HHLA2: variants seen among roughly 807,000 people sequenced by gnomAD.
HHLA2 encodes HERV-H LTR-associating protein 2.
In HHLA2, 48 loss-of-function variants were observed where a neutral mutation model predicts 45.9. The ratio of observed to expected loss-of-function variants is 1.05; its 90% confidence interval spans 0.83 to 1.33. HHLA2 has a LOEUF of 1.33. HHLA2 is among the 40% of genes most tolerant of loss of function. The probability of loss-of-function intolerance (pLI) is 0.00; values close to 1 mark genes in which losing one functional copy is unlikely to be tolerated. For synonymous variants in HHLA2, 161 were observed against 173.9 expected (o/e 0.93, Z 0.59); for missense variants, 462 against 494.3 (o/e 0.93, Z 0.62).
chr3:108,357,642 T>A (rs1489484078), intron 6 of HHLA2, among the ~76,000 whole-genome samples: 1 of 152,180 alleles, frequency 6.6e-6, no homozygotes, highest in African/African-American at 2.4e-5. Flanking sequence ...AGGTCTAAAC[T>A]AACCTTGGTG....
At chr3:108,348,444 A>G (rs1159052359) in intron 3 of HHLA2, among the ~76,000 whole-genome samples, 1 of 152,216 alleles carries the variant, frequency 6.6e-6, no homozygotes, top group Non-Finnish European at 1.5e-5. Context: ...AAAGTGGGAA[A>G]TGAAGACAGC....
At chr3:108,355,738 T>C (rs1243861725) in intron 6 of HHLA2, among the ~76,000 whole-genome samples, 1 of 152,228 alleles carries the variant, frequency 6.6e-6, no homozygotes, top group East Asian at 1.9e-4. Context: ...CCAGCATTGC[T>C]CTTTAAAAGA....
intron 1 of HHLA2, among the ~76,000 whole-genome samples, chr3:108,305,403 G>GA (rs750906636): frequency 1.8e-4 from 27 of 152,314 alleles, no homozygotes; most frequent in Non-Finnish European, 3.2e-4. Flanking sequence ...TTCTGAATGG[G>GA]AATGTAGAAA....
At chr3:108,307,667 G>A (rs1338690267) in intron 1 of HHLA2, among the ~76,000 whole-genome samples, 3 of 150,946 alleles carry the variant, frequency 2.0e-5, no homozygotes, top group Non-Finnish European at 4.4e-5. Context: ...GTTAACTTTT[G>A]CCCAGCTTCC....
intron 4 of HHLA2, among the ~76,000 whole-genome samples, chr3:108,352,128 G>A (rs1325205600): frequency 7.6e-6 from 1 of 132,398 alleles, no homozygotes; most frequent in African/African-American, 2.9e-5. Flanking sequence ...CACTGGAAAG[G>A]CAAGTTTGAT....
chr3:108,364,572 G>A (rs777990469), intron 8 of HHLA2, among the ~76,000 whole-genome samples: 4 of 152,192 alleles, frequency 2.6e-5, no homozygotes, highest in Non-Finnish European at 5.9e-5. Flanking sequence ...TCGCCACACT[G>A]TCTTCCACAA....
At chr3:108,366,658 G>A (rs556248165) in intron 8 of HHLA2, among the ~76,000 whole-genome samples, 1 of 152,144 alleles carries the variant, frequency 6.6e-6, no homozygotes, top group Non-Finnish European at 1.5e-5. Flanking sequence ...TTCAGAACTT[G>A]TTATTGGTTT....
intron 3 of HHLA2, among the ~76,000 whole-genome samples, chr3:108,349,997 A>G (rs11923478): frequency 0.017 from 2,604 of 152,282 alleles, 63 homozygotes; most frequent in African/African-American, 0.058. Flanking sequence ...TTGGAAAGAG[A>G]CAGTAATTAA....
chr3:108,347,771 T>C (rs1267618677), intron 3 of HHLA2, among the ~76,000 whole-genome samples: 1 of 152,116 alleles, frequency 6.6e-6, no homozygotes, highest in Non-Finnish European at 1.5e-5. Context: ...GTTTATCTAA[T>C]TCATTAACAA....
At chr3:108,316,299 G>C (rs975937159) in intron 2 of HHLA2, among the ~76,000 whole-genome samples, 1 of 152,162 alleles carries the variant, frequency 6.6e-6, no homozygotes, top group Non-Finnish European at 1.5e-5. Flanking sequence ...CCAGATACTG[G>C]GTCAGGTGCC....
chr3:108,353,722 C>T, exon 5 of HHLA2: 1 of 1,613,532 alleles, frequency 6.2e-7, no homozygotes, highest in South Asian at 1.1e-5. Flanking sequence ...GAATTTACAC[C>T]TGCTATGTAG....
intron 3 of HHLA2, among the ~76,000 whole-genome samples, chr3:108,344,078 G>A (rs1388806467): frequency 6.6e-6 from 1 of 152,072 alleles, no homozygotes. Context: ...CTAAGAAAAA[G>A]TTATTCAAAT....
intron 8 of HHLA2, among the ~76,000 whole-genome samples, chr3:108,369,742 C>G (rs184967121): frequency 1.5e-3 from 223 of 152,304 alleles, no homozygotes; most frequent in African/African-American, 5.0e-3. Context: ...GATCAAACTG[C>G]AAGGCAGCAG....
At chr3:108,314,168 C>A (rs998469598) in intron 2 of HHLA2, among the ~76,000 whole-genome samples, 39 of 152,010 alleles carry the variant, frequency 2.6e-4, no homozygotes, top group Non-Finnish European at 2.9e-5. Context: ...AGCAAGCTGG[C>A]AATCTGTTGT....
chr3:108,368,247 C>T (rs1485509636), intron 8 of HHLA2, among the ~76,000 whole-genome samples: 1 of 151,636 alleles, frequency 6.6e-6, no homozygotes, highest in Non-Finnish European at 1.5e-5. Flanking sequence ...CCAGCCACTG[C>T]AAAAAAACAC....
chr3:108,353,475 T>C, exon 5 of HHLA2: 2 of 1,602,182 alleles, frequency 1.2e-6, no homozygotes, highest in South Asian at 1.1e-5. Flanking sequence ...AATGAACAAA[T>C]CGTCATTGGA....
At chr3:108,313,063 C>T (rs966162978) in intron 2 of HHLA2, among the ~76,000 whole-genome samples, 7 of 152,100 alleles carry the variant, frequency 4.6e-5, no homozygotes, top group Non-Finnish European at 8.8e-5. Context: ...GTTTTCATGG[C>T]AAAAGGATGA....
intron 2 of HHLA2, among the ~76,000 whole-genome samples, chr3:108,317,410 G>A (rs190005355): frequency 6.2e-4 from 94 of 152,254 alleles, no homozygotes; most frequent in African/African-American, 2.0e-3. Flanking sequence ...GCAGGCAAGT[G>A]GAGGACTGAG....
At chr3:108,368,704 C>T (rs1460046108) in intron 8 of HHLA2, among the ~76,000 whole-genome samples, 1 of 151,962 alleles carries the variant, frequency 6.6e-6, no homozygotes, top group Non-Finnish European at 1.5e-5. Flanking sequence ...TATATGCACC[C>T]AATACAGGAG....
Sources: allele counts gnomAD v4.1 joint callset (sites outside exome capture counted in the v4.1 genomes callset), GRCh38; gene constraint gnomAD v4.1.1; transcripts MANE v1.5; gene names NCBI Gene and HGNC (gene_info 2026-07-23, HGNC 2026-07-21).